The following AVL9 variants were observed in gnomAD, a reference collection of about 807,000 sequenced individuals.
The protein encoded by AVL9 is AVL9 cell migration associated.
AVL9 carries 49 observed loss-of-function variants against 79.2 expected under a neutral mutation model. The observed-to-expected ratio is 0.62, with a 90% CI of 0.49 to 0.79. AVL9 has a LOEUF of 0.79. AVL9 is among the 30% of genes least tolerant of loss of function. The pLI is 0.00. For synonymous variants in AVL9, 299 were observed against 280.6 expected (o/e 1.07, Z -0.65); for missense variants, 682 against 776.8 (o/e 0.88, Z 1.45).
intron 10 of AVL9, among the ~76,000 whole-genome samples, chr7:32,564,303 ATTTC>A (rs1208885890): frequency 6.6e-6 from 1 of 152,208 alleles, no homozygotes; most frequent in African/African-American, 2.4e-5. Flanking sequence ...TGAAAATCTA[ATTTC>A]TTTAATCACA....
chr7:32,519,259 T>A (rs1336252530), intron 1 of AVL9, among the ~76,000 whole-genome samples: 2 of 152,136 alleles, frequency 1.3e-5, no homozygotes, highest in African/African-American at 2.4e-5. Context: ...AAACCCCATC[T>A]CTACTAAAAA....
chr7:32,564,481 G>A (rs1165615290), intron 10 of AVL9, among the ~76,000 whole-genome samples: 1 of 152,150 alleles, frequency 6.6e-6, no homozygotes, highest in Non-Finnish European at 1.5e-5. Flanking sequence ...AGAAATAGCC[G>A]GAGAGAAGCC....
Position 32,567,201 on chromosome 7 carries a change from A to T in AVL9, c.1216-2819A>T, listed in dbSNP as rs1193151435. 3.1e-4 allele frequency among the ~76,000 whole-genome samples: 47 copies of T among 152,018 alleles called. 1 individual carries two copies. Among genetic ancestry groups the T allele is most frequent in the Admixed American group, 3.1e-3 (47 of 15,262 alleles). On this transcript the variant is annotated intron_variant, in intron 10 of 15. Coordinates refer to ENST00000318709, the MANE Select transcript of AVL9 (RefSeq NM_015060.3). Reference sequence around the variant, plus strand: ...ACTGCAGCCTTGACCTCCTAGGCTCATGGGATCCTCCCACCTCAGTCTCCT... The same window carrying T: ...ACTGCAGCCTTGACCTCCTAGGCTCTTGGGATCCTCCCACCTCAGTCTCCT...
At chr7:32,508,624 A>G (rs960551408) in intron 1 of AVL9, among the ~76,000 whole-genome samples, 21 of 152,222 alleles carry the variant, frequency 1.4e-4, no homozygotes, top group African/African-American at 4.6e-4. Context: ...CTTTCACATT[A>G]TATCTTATGT....
At chr7:32,522,955 A>G (rs1788226160) in intron 1 of AVL9, among the ~76,000 whole-genome samples, 1 of 151,926 alleles carries the variant, frequency 6.6e-6, no homozygotes, top group Non-Finnish European at 1.5e-5. Context: ...CCATGTAATA[A>G]GTGCCTTTTG....
chr7:32,538,436 C>T (rs1280984694), intron 1 of AVL9: 5 of 152,092 alleles, frequency 3.3e-5, no homozygotes, highest in African/African-American at 1.2e-4. Context: ...TTTTTGTGTA[C>T]ACATACAACA....
intron 1 of AVL9, among the ~76,000 whole-genome samples, chr7:32,517,812 T>TG (rs1562759320): frequency 2.3e-5 from 1 of 43,358 alleles, no homozygotes; most frequent in Non-Finnish European, 4.7e-5. Flanking sequence ...TGCTTGTGTG[T>TG]TTTTTTTTTG....
intron 10 of AVL9, among the ~76,000 whole-genome samples, chr7:32,561,357 G>C (rs562375040): frequency 6.6e-6 from 1 of 152,340 alleles, no homozygotes; most frequent in South Asian, 2.1e-4. Flanking sequence ...ACTTGCTACA[G>C]CTTCTTCATC....
rs948733858 is a variant in AVL9 at position 32,495,748 on chromosome 7, G to A, written c.39G>A (p.Arg13=). Residue 13 remains arginine (R), a synonymous_variant, in exon 1 of 16, where the codon CGG becomes CGA. Transcript: ENST00000318709. Reference sequence around the variant, plus strand: ...GGAGAGGCGGGGATGGCGTCCCCCGGGGGCCCGTACTGCACATCGTGGTGG... The same window carrying A: ...GGAGAGGCGGGGATGGCGTCCCCCGAGGGCCCGTACTGCACATCGTGGTGG... The part of the protein sequence containing the change: ...KARRGGDGVP[R]GPVLHIVVVG... 1.6e-6 allele frequency: 2 copies of A among 1,259,696 alleles called. No individual in the cohort carries two copies. The highest frequency in any genetic ancestry group is 1.5e-5 in the African/African-American group (1 of 64,552). The allele number at this position is 1,259,696 out of a possible 1,614,324, so 78.0% of individuals were successfully genotyped here. A position where few individuals can be genotyped will look rare whatever the true frequency, so the allele number is the denominator to read the frequency against.
intron 10 of AVL9, among the ~76,000 whole-genome samples, chr7:32,566,748 T>TG (rs1790595124): frequency 6.7e-6 from 1 of 149,210 alleles, no homozygotes; most frequent in Non-Finnish European, 1.5e-5. Flanking sequence ...CCAGGCATGG[T>TG]GGTGGGCGCC....
chr7:32,501,199 G>A (rs1194127678), intron 1 of AVL9, among the ~76,000 whole-genome samples: 3 of 152,188 alleles, frequency 2.0e-5, no homozygotes, highest in Admixed American at 2.0e-4. Context: ...CAAGCCCTGA[G>A]TGATTCAGGT....
chr7:32,517,002 T>G (rs754276986), intron 1 of AVL9, among the ~76,000 whole-genome samples: 3 of 152,210 alleles, frequency 2.0e-5, no homozygotes, highest in Admixed American at 6.5e-5. Context: ...CTGCTTTAAG[T>G]CTGCTGTTAC....
intron 11 of AVL9, among the ~76,000 whole-genome samples, chr7:32,572,055 G>A (rs544811885): frequency 5.9e-4 from 90 of 151,886 alleles, no homozygotes; most frequent in African/African-American, 2.0e-3. Flanking sequence ...CCAGCTACGC[G>A]GGAGGCTGAG....
intron 8 of AVL9, among the ~76,000 whole-genome samples, chr7:32,557,645 T>C (rs927121616): frequency 6.6e-6 from 1 of 152,152 alleles, no homozygotes; most frequent in African/African-American, 2.4e-5. Context: ...TTGTAGTTAG[T>C]AGTATTGGTG....
chr7:32,575,886 T>A, intron 12 of AVL9, 69 bp from the exon 13 acceptor site: 1 of 1,118,640 alleles, frequency 8.9e-7, no homozygotes, highest in Non-Finnish European at 1.4e-6. Context: ...TTACCCTTTT[T>A]GGTTATAATC....
intron 3 of AVL9, among the ~76,000 whole-genome samples, chr7:32,548,144 C>CTCTTTTTTTTTTTTTTTTTTTTTTTTT (rs1227025763): frequency 1.2e-4 from 7 of 57,592 alleles, no homozygotes; most frequent in African/African-American, 3.8e-4. Flanking sequence ...TTTGTCATCT[C>CTCTTTTTTTTTTTTTTTTTTTTTTTTT]TTTTTTCTTT....
chr7:32,579,418 TATATATATA>T (rs1791277457), intron 13 of AVL9, among the ~76,000 whole-genome samples: 1 of 5,342 alleles, frequency 1.9e-4, no homozygotes, highest in Non-Finnish European at 3.2e-4. Context: ...TATAATATGT[TATATATATA>T]ATATATATAT....
chr7:32,498,928 CCGAGGCGGGTGGA>C lies in AVL9; in HGVS notation c.93+3127_93+3139del, dbSNP rs1786987342. 1.9e-4 allele frequency among the ~76,000 whole-genome samples: 16 copies of C among 84,608 alleles called. 5 individuals are homozygous for C. Among genetic ancestry groups the C allele is most frequent in the Non-Finnish European group, 1.9e-4 (8 of 42,088 alleles). 55.5% of individuals were successfully genotyped at this position (84,608 alleles called of 152,430 possible). On this transcript the variant is annotated intron_variant, in intron 1 of 15. Coordinates refer to ENST00000318709, the MANE Select transcript of AVL9 (RefSeq NM_015060.3). ...CCTGTAATCCTAACACTTTGGGAGG[CCGAGGCGGGTGGA>C]TCACCTGAGGTGAGGAGTTCGAAAC...
In AVL9 at chr7:32,495,684, G is replaced by T. The variant is rs941567874; in HGVS notation, c.-26G>T. On this transcript the variant is annotated 5_prime_UTR_variant, in exon 1 of 16. Transcript: ENST00000318709. ...CCCGCTGCCCTTGGCGGTCGAAGTC[G>T]TCGTGCGGGCCCGCGGCGGCCGCCC... The T allele has an allele frequency of 1.4e-5, 17 of 1,252,642 alleles. No homozygotes were observed. The African/African-American group carries it at 1.9e-4, about 14-fold the overall frequency. The allele number at this position is 1,252,642 out of a possible 1,614,324, so 77.6% of individuals were successfully genotyped here. A position where few individuals can be genotyped will look rare whatever the true frequency, so the allele number is the denominator to read the frequency against.
Sources: allele counts gnomAD v4.1 joint callset (sites outside exome capture counted in the v4.1 genomes callset), GRCh38; gene constraint gnomAD v4.1.1; transcripts MANE v1.5; gene names NCBI Gene and HGNC (gene_info 2026-07-23, HGNC 2026-07-21).